The following TACR3 variants were observed in gnomAD, a reference collection of about 807,000 sequenced individuals.
TACR3 encodes neuromedin-K receptor.
In TACR3, 34 loss-of-function variants were observed where a neutral mutation model predicts 35.0. The observed-to-expected ratio is 0.97, with a 90% confidence interval of 0.74 to 1.30. TACR3 has a LOEUF of 1.30. TACR3 is among the 50% of genes most tolerant of loss of function. TACR3 has a pLI of 0.00. For synonymous variants in TACR3, 233 were observed against 221.1 expected (o/e 1.05, Z -0.48); for missense variants, 558 against 591.7 (o/e 0.94, Z 0.59).
intron 1 of TACR3, among the ~76,000 whole-genome samples, chr4:103,660,056 C>T (rs756921626): frequency 6.6e-6 from 1 of 151,814 alleles, no homozygotes; most frequent in Non-Finnish European, 1.5e-5. Flanking sequence ...AAAATGTTAA[C>T]CTTAAGAATA....
At position 103,587,295 on chromosome 4, in the gene TACR3, AAAATT is replaced by A. The variant is rs1169319874; in HGVS notation, c.*2382_*2386del. ...TTGTCGTTTAAATTTTTGAACTTAA[AAAATT>A]CTGCCTATAGGTCTCAGTTTAAGGG... On this transcript the variant is annotated 3_prime_UTR_variant, in exon 5 of 5. Transcript: ENST00000304883. 1 of 151,490 alleles carries A rather than the reference AAAATT, an allele frequency of 6.6e-6. No homozygotes were observed. Among genetic ancestry groups the A allele is most frequent in the Non-Finnish European group, 1.5e-5 (1 of 68,006 alleles). 9.4% of individuals were successfully genotyped at this position (151,490 alleles called of 1,614,324 possible). A position where few individuals can be genotyped will look rare whatever the true frequency, so the allele number is the denominator to read the frequency against.
chr4:103,654,465 A>C (rs1725687686), intron 3 of TACR3, among the ~76,000 whole-genome samples: 2 of 146,170 alleles, frequency 1.4e-5, no homozygotes, highest in Non-Finnish European at 3.0e-5. Flanking sequence ...CACACACCGC[A>C]TGTTCTCACT....
intron 1 of TACR3, among the ~76,000 whole-genome samples, chr4:103,660,056 C>A (rs756921626): frequency 3.3e-5 from 5 of 151,814 alleles, no homozygotes; most frequent in South Asian, 2.1e-4. Context: ...AAAATGTTAA[C>A]CTTAAGAATA....
At chr4:103,618,590 T>G (rs1052556768) in intron 3 of TACR3, among the ~76,000 whole-genome samples, 9 of 109,840 alleles carry the variant, frequency 8.2e-5, no homozygotes, top group South Asian at 2.9e-4. Flanking sequence ...TTTTTTTTTT[T>G]TGTTCCATAT....
chr4:103,654,651 C>G (rs1219062535), intron 3 of TACR3, among the ~76,000 whole-genome samples: 1 of 150,358 alleles, frequency 6.7e-6, no homozygotes, highest in African/African-American at 2.5e-5. Flanking sequence ...ACATATGTAA[C>G]AAACCTGCAC....
chr4:103,592,488 T>A (rs1419363805), intron 3 of TACR3, among the ~76,000 whole-genome samples: 1 of 152,186 alleles, frequency 6.6e-6, no homozygotes, highest in Non-Finnish European at 1.5e-5. Context: ...AGACAGAATG[T>A]CTTAATTATC....
Position 103,629,580 on chromosome 4 carries a change from C to T in TACR3, c.888+26614G>A, listed in dbSNP as rs745965393. On this transcript the variant is annotated intron_variant, in intron 3 of 4. Coordinates refer to ENST00000304883, the MANE Select transcript of TACR3 (RefSeq NM_001059.3). Reference sequence around the variant, plus strand: ...ATAAAATACCTGGGAATCCAACTTACAAGGGATGTGGAGGACCTCTTCAAG... The same window carrying T: ...ATAAAATACCTGGGAATCCAACTTATAAGGGATGTGGAGGACCTCTTCAAG... Among the ~76,000 whole-genome samples the T allele has an allele frequency of 2.6e-5, 4 of 152,044 alleles. 1 individual carries two copies. In the South Asian group the frequency reaches 8.3e-4, roughly 31 times the overall value.
chr4:103,590,183 T>C (rs192891473), intron 4 of TACR3, among the ~76,000 whole-genome samples, 189 bp from the exon 5 acceptor site: 86 of 152,166 alleles, frequency 5.7e-4, no homozygotes, highest in African/African-American at 2.0e-3. Context: ...AATTGAATCT[T>C]AATTTCCCAT....
At position 103,598,571 on chromosome 4, in the gene TACR3, GT is replaced by G. The variant is rs1329134206; in HGVS notation, c.889-6889del. ...GGTATTGCCTATGTTTTCTTCTAGG[GT>G]TTTTATGGTTTTAGGTCTAACATGT... On this transcript the variant is annotated intron_variant, in intron 3 of 4. Coordinates refer to ENST00000304883, the MANE Select transcript of TACR3 (RefSeq NM_001059.3). Among the ~76,000 whole-genome samples the G allele has an allele frequency of 3.3e-5, 5 of 152,098 alleles. No homozygotes were observed. The South Asian group carries it at 6.2e-4, about 19-fold the overall frequency.
intron 3 of TACR3, among the ~76,000 whole-genome samples, chr4:103,606,061 G>A (rs1023340215): frequency 1.3e-5 from 2 of 151,792 alleles, no homozygotes; most frequent in Non-Finnish European, 2.9e-5. Context: ...AGTTTTCCCA[G>A]CACCATTGAT....
At chr4:103,624,537 T>C (rs574231846) in intron 3 of TACR3, 68 of 152,200 alleles carry the variant, frequency 4.5e-4, no homozygotes, top group Admixed American at 1.6e-3. Context: ...CTGAGTAAAG[T>C]ATATAGGTGT....
intron 1 of TACR3, among the ~76,000 whole-genome samples, chr4:103,700,628 C>T (rs1722627876): frequency 1.3e-5 from 2 of 152,004 alleles, no homozygotes; most frequent in Admixed American, 1.3e-4. Context: ...ATGATGTTAC[C>T]AGGACTCTCT....
At chr4:103,670,553 G>T (rs561406181) in intron 1 of TACR3, among the ~76,000 whole-genome samples, 18 of 151,864 alleles carry the variant, frequency 1.2e-4, no homozygotes, top group African/African-American at 3.6e-4. Context: ...TTATTCCTGG[G>T]TATTTTATTT....
intron 3 of TACR3, among the ~76,000 whole-genome samples, chr4:103,641,516 C>G (rs1210239145): frequency 1.3e-5 from 2 of 151,900 alleles, no homozygotes; most frequent in Non-Finnish European, 2.9e-5. Context: ...TCCTTGTACA[C>G]TGTTGTTGGG....
rs78829923 is a variant in TACR3 at position 103,679,025 on chromosome 4, C to G, written c.549-20622G>C. 4.6e-3 allele frequency among the ~76,000 whole-genome samples: 697 copies of G among 151,874 alleles called. 8 individuals are homozygous for G. The highest frequency in any genetic ancestry group is 0.016 in the African/African-American group (656 of 41,432). On this transcript the variant is annotated intron_variant, in intron 1 of 4. Transcript: ENST00000304883. ...AATCAGGGATGCCAGAAAGTTCACA[C>G]CAAATTATTAATTTTCTGTATGGTG...
At chr4:103,653,716 G>A (rs1397547249) in intron 3 of TACR3, among the ~76,000 whole-genome samples, 2 of 151,834 alleles carry the variant, frequency 1.3e-5, no homozygotes, top group Non-Finnish European at 2.9e-5. Context: ...TTAAACTAAA[G>A]AGCTTCTGCA....
intron 1 of TACR3, among the ~76,000 whole-genome samples, chr4:103,675,336 C>T (rs1726145925): frequency 6.6e-6 from 1 of 152,128 alleles, no homozygotes; most frequent in African/African-American, 2.4e-5. Flanking sequence ...CAATTTTGCT[C>T]ATGTTTTACA....
At chr4:103,689,727 C>A (rs554401082) in intron 1 of TACR3, among the ~76,000 whole-genome samples, 7 of 152,016 alleles carry the variant, frequency 4.6e-5, no homozygotes, top group African/African-American at 1.7e-4. Flanking sequence ...CAAGCATATG[C>A]ATGATGGGAG....
chr4:103,681,053 A>G (rs1722071505), intron 1 of TACR3, among the ~76,000 whole-genome samples: 1 of 151,950 alleles, frequency 6.6e-6, no homozygotes, highest in Admixed American at 6.6e-5. Context: ...TTTATTGAAA[A>G]TAGAGCATAA....
Sources: gnomAD v4.1 joint callset for allele counts (sites outside exome capture counted in the v4.1 genomes callset) on GRCh38, gnomAD v4.1.1 for gene constraint, MANE v1.5 for transcripts, NCBI Gene and HGNC (gene_info 2026-07-23, HGNC 2026-07-21) for gene names.